Variants in ALG6 observed in about 807,000 individuals in gnomAD.
The protein encoded by ALG6 is ALG6 alpha-1,3-glucosyltransferase, also known as dolichyl pyrophosphate Man9GlcNAc2 alpha-1,3-glucosyltransferase.
ALG6 carries 46 observed loss-of-function variants against 66.6 expected under a neutral mutation model. That is an observed-to-expected ratio of 0.69 (90% confidence interval 0.55 to 0.88). The LOEUF (loss-of-function observed/expected upper bound fraction) is 0.88. ALG6 is among the 40% of genes least tolerant of loss of function. The pLI is 0.00. For missense variants in ALG6, 505 were observed against 586.8 expected (o/e 0.86, Z 1.44); for synonymous variants, 185 against 203.7 (o/e 0.91, Z 0.78).
At chr1:63,403,206 G>C (rs758095565) in intron 4 of ALG6, among the ~76,000 whole-genome samples, 7 of 151,590 alleles carry the variant, frequency 4.6e-5, no homozygotes, top group Non-Finnish European at 1.0e-4. Flanking sequence ...TTTTGAAGTA[G>C]AGATGTTATC....
At chr1:63,377,412 G>A (rs1481398521) in intron 2 of ALG6, among the ~76,000 whole-genome samples, 1 of 151,910 alleles carries the variant, frequency 6.6e-6, no homozygotes, top group Non-Finnish European at 1.5e-5. Flanking sequence ...ATTCTTTACT[G>A]TATGTTTAGA....
chr1:63,388,188 G>A (rs1648563233), intron 2 of ALG6, among the ~76,000 whole-genome samples: 1 of 152,034 alleles, frequency 6.6e-6, no homozygotes, highest in South Asian at 2.1e-4. Context: ...CAAAGTGCTG[G>A]GATTACAGGC....
intron 3 of ALG6, 145 bp from the exon 4 acceptor site, chr1:63,402,109 A>G (rs975472719): frequency 4.5e-6 from 3 of 668,356 alleles, no homozygotes; most frequent in African/African-American, 1.8e-5. Flanking sequence ...GTTTGTGTCT[A>G]TTGACATGGC....
chr1:63,379,883 G>A (rs565833692), intron 2 of ALG6, among the ~76,000 whole-genome samples: 2 of 151,328 alleles, frequency 1.3e-5, no homozygotes, highest in African/African-American at 2.4e-5. Context: ...GCTGGAAACC[G>A]AAGTGCCATC....
At chr1:63,387,176 A>T (rs2100395657) in intron 2 of ALG6, among the ~76,000 whole-genome samples, 1 of 152,218 alleles carries the variant, frequency 6.6e-6, no homozygotes, top group African/African-American at 2.4e-5. Context: ...AGTGTTTTGA[A>T]TTTTTTAAGA....
At chr1:63,436,558 G>T (rs1420871113) in intron 14 of ALG6, among the ~76,000 whole-genome samples, 1 of 152,108 alleles carries the variant, frequency 6.6e-6, no homozygotes, top group African/African-American at 2.4e-5. Context: ...GGGTCCTCAG[G>T]TTTTGGCTAC....
Position 63,428,808 on chromosome 1 carries a change from C to A in ALG6, c.1127+7C>A. The A allele has an allele frequency of 1.9e-6, 3 of 1,600,952 alleles. No homozygotes were observed. In the South Asian group the frequency reaches 3.3e-5, roughly 18 times the overall value. On this transcript the variant is annotated splice_region_variant and intron_variant, in intron 13 of 14. Transcript: ENST00000263440. ...TACTTGTGTCAACATTTAGGTAAGTCATATCAATTTCCATATATTTTCAGT... is the reference window on the plus strand; with the variant it reads ...TACTTGTGTCAACATTTAGGTAAGTAATATCAATTTCCATATATTTTCAGT...
chr1:63,424,319 T>G (rs577043888), intron 12 of ALG6, among the ~76,000 whole-genome samples: 21 of 152,244 alleles, frequency 1.4e-4, no homozygotes, highest in African/African-American at 4.1e-4. Context: ...TTTTGCATTT[T>G]TAGTAGAGAT....
intron 2 of ALG6, among the ~76,000 whole-genome samples, chr1:63,387,532 CT>C (rs760731397): frequency 6.7e-4 from 40 of 59,486 alleles, no homozygotes; most frequent in Non-Finnish European, 8.4e-4. Context: ...TTGTCTTTCT[CT>C]TTTTTTTTTT....
chr1:63,370,655 C>T lies in ALG6; in HGVS notation c.-207-116C>T, dbSNP rs976336953. 3 of 314,376 alleles carry T rather than the reference C, an allele frequency of 9.5e-6. No homozygotes were observed. In the Admixed American group the frequency reaches 1.4e-4, roughly 15 times the overall value. 19.5% of individuals were successfully genotyped at this position (314,376 alleles called of 1,614,324 possible). Reference sequence around the variant, plus strand: ...AACTTAAAATACCACGTTTCCTTCACATTCCTTCCCACTACCCCTCCCCTC... The same window carrying T: ...AACTTAAAATACCACGTTTCCTTCATATTCCTTCCCACTACCCCTCCCCTC... On this transcript the variant is annotated intron_variant, in intron 1 of 14. Transcript: ENST00000263440.
intron 2 of ALG6, 28 bp from the exon 3 acceptor site, chr1:63,396,485 G>T: frequency 6.3e-7 from 1 of 1,584,248 alleles, no homozygotes; most frequent in Non-Finnish European, 8.7e-7. Flanking sequence ...GTACATTGTT[G>T]TTTTGCTCTT....
At chr1:63,414,879 G>T (rs1043380253) in intron 10 of ALG6, among the ~76,000 whole-genome samples, 1 of 147,350 alleles carries the variant, frequency 6.8e-6, no homozygotes, top group South Asian at 2.1e-4. Flanking sequence ...GGAATATCTA[G>T]GGGGGAAGGA....
At chr1:63,382,164 TA>T (rs1203981756) in intron 2 of ALG6, among the ~76,000 whole-genome samples, 3 of 150,818 alleles carry the variant, frequency 2.0e-5, no homozygotes, top group African/African-American at 7.3e-5. Flanking sequence ...ATTTTTTTTT[TA>T]AAAATTTTAT....
In ALG6 at chr1:63,436,986, C is replaced by A; in HGVS notation, c.1490C>A (p.Ser497Tyr). The A allele has an allele frequency of 6.2e-7, 1 of 1,613,260 alleles. No homozygotes were observed. The highest frequency in any genetic ancestry group is 8.5e-7 in the Non-Finnish European group (1 of 1,179,560). ...VYFNIIIMWD[S>Y]KSGRNQKKIS ...TTTAACATTATTATTATGTGGGATT[C>A]CAAAAGTGGAAGAAATCAGAAGAAA... Residue 497 changes from serine to tyrosine, a missense_variant, in exon 15 of 15, where the codon TCC becomes TAC. By Grantham distance (144) the Ser-to-Tyr change is moderately radical. Transcript: ENST00000263440.
At chr1:63,398,066 G>T (rs1380618034) in intron 3 of ALG6, among the ~76,000 whole-genome samples, 1 of 152,056 alleles carries the variant, frequency 6.6e-6, no homozygotes, top group Non-Finnish European at 1.5e-5. Context: ...CTAGATGGTT[G>T]GTAGGTTATT....
chr1:63,436,766 C>T, intron 14 of ALG6, 57 bp from the exon 15 acceptor site: 1 of 1,520,082 alleles, frequency 6.6e-7, no homozygotes. Context: ...GTCAATGTTT[C>T]CAGCACATTT....
chr1:63,416,344 T>G (rs1187765276), intron 11 of ALG6, among the ~76,000 whole-genome samples: 2 of 152,064 alleles, frequency 1.3e-5, no homozygotes, highest in Non-Finnish European at 2.9e-5. Flanking sequence ...GAATGCTGTT[T>G]AGGGCAAGTG....
intron 3 of ALG6, among the ~76,000 whole-genome samples, chr1:63,398,382 C>A (rs1186405138): frequency 6.6e-6 from 1 of 152,170 alleles, no homozygotes; most frequent in Non-Finnish European, 1.5e-5. Flanking sequence ...ATTCTACGTA[C>A]CCTGACCAAC....
In ALG6 at chr1:63,430,903, A is replaced by G. The variant is rs181852930; in HGVS notation, c.1326+1777A>G. ...AGTTTTGATTTTGATAACATCCAGTATATCTATTTTTTTCTTTTGTTGTGC... is the reference window on the plus strand; with the variant it reads ...AGTTTTGATTTTGATAACATCCAGTGTATCTATTTTTTTCTTTTGTTGTGC... On this transcript the variant is annotated intron_variant, in intron 14 of 14. Transcript: ENST00000263440. 3.5e-3 allele frequency among the ~76,000 whole-genome samples: 527 copies of G among 152,278 alleles called. 3 individuals are homozygous for G. The highest frequency in any genetic ancestry group is 0.012 in the African/African-American group (491 of 41,548).
Sources: gnomAD v4.1 joint callset for allele counts (sites outside exome capture counted in the v4.1 genomes callset) on GRCh38, gnomAD v4.1.1 for gene constraint, MANE v1.5 for transcripts, NCBI Gene and HGNC (gene_info 2026-07-23, HGNC 2026-07-21) for gene names.